The following ATP10B variants were observed in gnomAD, a reference collection of about 807,000 sequenced individuals.
The protein encoded by ATP10B is phospholipid-transporting ATPase VB.
A neutral mutation model predicts 141.2 loss-of-function variants in ATP10B; 122 were observed. That is an observed-to-expected ratio of 0.86 (90% CI 0.75 to 1.00). The LOEUF (loss-of-function observed/expected upper bound fraction) is 1.00. Ranked by LOEUF, ATP10B falls within the 50% of genes least tolerant of loss-of-function variation. The probability of loss-of-function intolerance (pLI) is 0.00; values close to 1 mark genes in which losing one functional copy is unlikely to be tolerated. For missense variants in ATP10B, 1,876 were observed against 1,825.3 expected, an observed-to-expected ratio of 1.03 and a Z score of -0.51; for synonymous variants, 685 against 692.0, an observed-to-expected ratio of 0.99 and a Z score of 0.16.
the ATP10B span, among the ~76,000 whole-genome samples, chr5:160,886,839 T>A: frequency 2.6e-5 from 4 of 152,128 alleles, no homozygotes; most frequent in Non-Finnish European, 5.9e-5. Context: ...AGAGTCCCTG[T>A]AAAGCACAAG....
At chr5:160,808,904 G>C (rs540189066) in intron 1 of ATP10B, among the ~76,000 whole-genome samples, 1 of 152,148 alleles carries the variant, frequency 6.6e-6, no homozygotes, top group Non-Finnish European at 1.5e-5. Context: ...GTTCCTTCTG[G>C]GGGCTGTGAG....
At chr5:160,883,657 T>C in the ATP10B span, among the ~76,000 whole-genome samples, 1 of 152,166 alleles carries the variant, frequency 6.6e-6, no homozygotes, top group Non-Finnish European at 1.5e-5. Context: ...AGATACTGTT[T>C]AAAGAATTAG....
At chr5:160,838,132 C>T (rs1775575880) in intron 1 of ATP10B, among the ~76,000 whole-genome samples, 1 of 152,160 alleles carries the variant, frequency 6.6e-6, no homozygotes, top group Admixed American at 6.6e-5. Flanking sequence ...TGACGCCTCT[C>T]TTCTCTGCTT....
chr5:160,568,557 G>A (rs7721406), intron 25 of ATP10B, among the ~76,000 whole-genome samples: 21,973 of 152,164 alleles, frequency 0.14, 2,097 homozygotes, highest in African/African-American at 0.25. Flanking sequence ...TCATCATCAA[G>A]TTCACTGCTC....
At chr5:160,859,516 C>T in the ATP10B span, among the ~76,000 whole-genome samples, 1 of 151,780 alleles carries the variant, frequency 6.6e-6, no homozygotes, top group East Asian at 1.9e-4. Flanking sequence ...CATAATCCCC[C>T]TTCAAATGTC....
At chr5:160,787,117 C>CAT (rs1771214145) in intron 1 of ATP10B, among the ~76,000 whole-genome samples, 2 of 117,412 alleles carry the variant, frequency 1.7e-5, no homozygotes, top group African/African-American at 3.2e-5. Context: ...CACACACACA[C>CAT]ACACACACAC....
At chr5:160,860,202 G>A in the ATP10B span, among the ~76,000 whole-genome samples, 3 of 151,392 alleles carry the variant, frequency 2.0e-5, no homozygotes, top group Non-Finnish European at 4.4e-5. Context: ...TTGATTACTG[G>A]GAATGAATTA....
chr5:160,786,475 T>G (rs1223306141), intron 1 of ATP10B, among the ~76,000 whole-genome samples: 1 of 152,180 alleles, frequency 6.6e-6, no homozygotes, highest in Non-Finnish European at 1.5e-5. Context: ...GCAGTTATCA[T>G]AATTTTCACT....
chr5:160,736,660 T>A (rs1430989815), intron 2 of ATP10B, among the ~76,000 whole-genome samples: 4 of 152,092 alleles, frequency 2.6e-5, no homozygotes, highest in Non-Finnish European at 5.9e-5. Context: ...CCTGGGAGGC[T>A]GAGGCAGAAG....
intron 1 of ATP10B, among the ~76,000 whole-genome samples, chr5:160,827,497 G>A (rs1774706883): frequency 6.6e-6 from 1 of 152,126 alleles, no homozygotes; most frequent in South Asian, 2.1e-4. Flanking sequence ...AGTTTTTAAT[G>A]AGATTGTTTC....
At chr5:160,909,153 G>T in the ATP10B span, among the ~76,000 whole-genome samples, 1 of 152,180 alleles carries the variant, frequency 6.6e-6, no homozygotes, top group East Asian at 1.9e-4. Context: ...TGATAGAGAA[G>T]GGCAGGCACT....
In ATP10B at chr5:160,650,157, TATACATATATATAC is replaced by T. The variant is rs1353711230; in HGVS notation, c.676-915_676-902del. Among the ~76,000 whole-genome samples, 5 of 149,308 alleles carry T rather than the reference TATACATATATATAC, an allele frequency of 3.3e-5. No homozygotes were observed. In the South Asian group the frequency reaches 6.3e-4, roughly 19 times the overall value. On this transcript the variant is annotated intron_variant, in intron 7 of 25. Transcript: ENST00000327245. ...ATACACACACACACACATACATATATATACATATATATACATACATATATATATACATGTACACA... is the reference window on the plus strand; with the variant it reads ...ATACACACACACACACATACATATATATACATATATATATACATGTACACA...
the ATP10B span, among the ~76,000 whole-genome samples, chr5:160,901,054 C>A: frequency 6.6e-6 from 1 of 151,660 alleles, no homozygotes; most frequent in South Asian, 2.1e-4. Context: ...CAAAACACAT[C>A]TGAAGCAAAA....
At chr5:160,708,770 A>G (rs1765171502) in intron 3 of ATP10B, among the ~76,000 whole-genome samples, 2 of 152,228 alleles carry the variant, frequency 1.3e-5, no homozygotes, top group Admixed American at 6.5e-5. Flanking sequence ...GACTTGTTCT[A>G]CGTCATGATG....
chr5:160,751,122 G>A (rs1411563459), intron 2 of ATP10B, among the ~76,000 whole-genome samples: 1 of 152,172 alleles, frequency 6.6e-6, no homozygotes, highest in Non-Finnish European at 1.5e-5. Context: ...GCTCTGAGAG[G>A]CCACAGCATG....
chr5:160,605,075 C>CAAA (rs920616239), intron 19 of ATP10B, among the ~76,000 whole-genome samples: 21 of 152,146 alleles, frequency 1.4e-4, no homozygotes, highest in Non-Finnish European at 1.8e-4. Flanking sequence ...AGTATCCATA[C>CAAA]AAAAACATGC....
rs78350834 is a variant in ATP10B, at chr5:160,631,662, C to G, written c.1620+467G>C. Among the ~76,000 whole-genome samples, 91 of 152,302 alleles carry G rather than the reference C, an allele frequency of 6.0e-4. No homozygotes were observed. The East Asian group carries it at 0.016, about 27-fold the overall frequency. On this transcript the variant is annotated intron_variant, in intron 13 of 25. Coordinates refer to ENST00000327245, the MANE Select transcript of ATP10B (RefSeq NM_025153.3). ...CTCCCTTATAGAAACATAAGCATAA[C>G]AAATATTTCTAATTTCTCCTAACTG...
At chr5:160,887,065 T>G in the ATP10B span, among the ~76,000 whole-genome samples, 1 of 152,182 alleles carries the variant, frequency 6.6e-6, no homozygotes, top group Non-Finnish European at 1.5e-5. Context: ...AAAAGCATTT[T>G]GCAAACTCTA....
chr5:160,650,864 T>A (rs1044682198), intron 7 of ATP10B, among the ~76,000 whole-genome samples: 16 of 152,282 alleles, frequency 1.1e-4, no homozygotes, highest in African/African-American at 3.6e-4. Context: ...TCCTCCCCAA[T>A]TCATCTGCAT....
Sources: allele counts gnomAD v4.1 joint callset (sites outside exome capture counted in the v4.1 genomes callset), GRCh38; gene constraint gnomAD v4.1.1; transcripts MANE v1.5; gene names NCBI Gene and HGNC (gene_info 2026-07-23, HGNC 2026-07-21).